SLC9B1: variants seen among roughly 807,000 people sequenced by gnomAD.
SLC9B1 encodes the protein solute carrier family 9 member B1.
In SLC9B1, 32 loss-of-function variants were observed where a neutral mutation model predicts 51.7. The ratio of observed to expected loss-of-function variants is 0.62; its 90% CI spans 0.47 to 0.83. The LOEUF (loss-of-function observed/expected upper bound fraction) is 0.83. Among genes scored for constraint, SLC9B1 ranks in the 40% least tolerant of loss-of-function variants. The pLI, the probability that SLC9B1 is intolerant of heterozygous loss-of-function variation, is 0.00. For synonymous variants in SLC9B1, 145 were observed against 212.7 expected, an observed-to-expected ratio of 0.68 and a Z score of 2.77; for missense variants, 406 against 613.2, an observed-to-expected ratio of 0.66 and a Z score of 3.57.
At chr4:102,912,408 A>C (rs2110434127) in intron 7 of SLC9B1, among the ~76,000 whole-genome samples, 1 of 152,252 alleles carries the variant, frequency 6.6e-6, no homozygotes, top group East Asian at 1.9e-4. Context: ...GAAAAAAAAT[A>C]CAAAAGATTC....
At chr4:102,986,267 T>TTC (rs1553910652) in intron 3 of SLC9B1, among the ~76,000 whole-genome samples, 67 of 33,918 alleles carry the variant, frequency 2.0e-3, no homozygotes, top group African/African-American at 0.012. Flanking sequence ...TTTTTTTTTT[T>TTC]CTCTCTCTCA....
At chr4:102,989,463 C>A (rs183396157) in intron 3 of SLC9B1, among the ~76,000 whole-genome samples, 4 of 151,910 alleles carry the variant, frequency 2.6e-5, no homozygotes, top group Non-Finnish European at 5.9e-5. Context: ...TAATTATTTC[C>A]AAAATTATAA....
intron 3 of SLC9B1, chr4:102,962,837 A>G (rs1738209810): frequency 2.1e-6 from 1 of 473,312 alleles, no homozygotes; most frequent in Non-Finnish European, 4.4e-6. Flanking sequence ...CTGGAAGTGG[A>G]TCAAACAATA....
chr4:102,926,654 T>C (rs1736195037), intron 7 of SLC9B1, among the ~76,000 whole-genome samples: 1 of 152,146 alleles, frequency 6.6e-6, no homozygotes, highest in Non-Finnish European at 1.5e-5. Context: ...ATCAATATCA[T>C]GGAAATGGCC....
At chr4:102,985,593 G>A (rs563417447) in intron 3 of SLC9B1, among the ~76,000 whole-genome samples, 1 of 150,360 alleles carries the variant, frequency 6.7e-6, no homozygotes, top group Non-Finnish European at 1.5e-5. Context: ...GTGTGATCTC[G>A]GCTCACTGCA....
At chr4:102,890,104 A>G (rs1734162614) in intron 11 of SLC9B1, 1 of 152,194 alleles carries the variant, frequency 6.6e-6, no homozygotes, top group Non-Finnish European at 1.5e-5. Context: ...AGCAGGCTTG[A>G]GGTATGAATG....
intron 3 of SLC9B1, among the ~76,000 whole-genome samples, chr4:102,986,583 T>C (rs1236602277): frequency 6.6e-6 from 1 of 152,198 alleles, no homozygotes; most frequent in African/African-American, 2.4e-5. Context: ...TGTCTTCCTT[T>C]TCCTTTTGAT....
intron 11 of SLC9B1, among the ~76,000 whole-genome samples, chr4:102,895,409 G>A (rs1734488546): frequency 6.6e-6 from 1 of 152,122 alleles, no homozygotes; most frequent in Non-Finnish European, 1.5e-5. Context: ...GAACACCTAT[G>A]TGGAAAAAGG....
At chr4:102,991,185 C>T (rs556427548) in intron 2 of SLC9B1, among the ~76,000 whole-genome samples, 17 of 151,836 alleles carry the variant, frequency 1.1e-4, no homozygotes, top group African/African-American at 1.7e-4. Flanking sequence ...TAAAAAAATA[C>T]GAAATTTACA....
chr4:102,975,205 C>T (rs1284938170), intron 3 of SLC9B1, among the ~76,000 whole-genome samples: 1 of 152,098 alleles, frequency 6.6e-6, no homozygotes, highest in Non-Finnish European at 1.5e-5. Context: ...GATGAAGTCT[C>T]ACTATGTTGC....
intron 3 of SLC9B1, among the ~76,000 whole-genome samples, chr4:102,975,579 TA>T (rs1225214095): frequency 1.9e-5 from 2 of 105,090 alleles, no homozygotes; most frequent in African/African-American, 8.1e-5. Context: ...TATATATATA[TA>T]TATATATTTT....
intron 11 of SLC9B1, chr4:102,890,012 T>G (rs1050257791): frequency 6.6e-6 from 1 of 152,144 alleles, no homozygotes; most frequent in African/African-American, 2.4e-5. Flanking sequence ...GAGGACTGCT[T>G]CTGCTTACCT....
intron 2 of SLC9B1, 146 bp from the exon 3 acceptor site, chr4:102,990,087 A>G: frequency 1.5e-6 from 1 of 656,038 alleles, no homozygotes; most frequent in South Asian, 2.1e-5. Flanking sequence ...CATGCTCCAT[A>G]TCAGTAGCTG....
intron 7 of SLC9B1, among the ~76,000 whole-genome samples, chr4:102,923,140 G>A (rs1316005417): frequency 6.6e-6 from 1 of 152,126 alleles, no homozygotes; most frequent in East Asian, 1.9e-4. Flanking sequence ...ATATCCCTAT[G>A]AACATTGATA....
chr4:102,991,394 C>T (rs572608529), intron 2 of SLC9B1, among the ~76,000 whole-genome samples: 5 of 152,088 alleles, frequency 3.3e-5, no homozygotes, highest in South Asian at 2.1e-4. Flanking sequence ...AAATAATAAG[C>T]GACATTTCTT....
intron 6 of SLC9B1, chr4:102,941,455 A>G: frequency 4.4e-6 from 2 of 455,754 alleles, no homozygotes; most frequent in South Asian, 1.5e-5. Flanking sequence ...ACAACCTCAC[A>G]GGAGGCAGAA....
intron 11 of SLC9B1, among the ~76,000 whole-genome samples, chr4:102,893,112 G>A (rs565018300): frequency 6.5e-4 from 99 of 151,394 alleles, no homozygotes; most frequent in East Asian, 1.9e-3. Flanking sequence ...GTGAAAACTC[G>A]TCTCTACAAA....
intron 9 of SLC9B1, among the ~76,000 whole-genome samples, chr4:102,906,887 C>A (rs1334390307): frequency 1.3e-5 from 2 of 152,128 alleles, no homozygotes; most frequent in African/African-American, 4.8e-5. Flanking sequence ...CCATGCTGGG[C>A]TAATTTTTAA....
At chr4:102,976,315 G>A (rs916022460) in intron 3 of SLC9B1, among the ~76,000 whole-genome samples, 2 of 151,312 alleles carry the variant, frequency 1.3e-5, no homozygotes, top group African/African-American at 4.9e-5. Flanking sequence ...TATCAGTATT[G>A]ATTTACTTTG....
Sources: gnomAD v4.1 joint callset for allele counts (sites outside exome capture counted in the v4.1 genomes callset) on GRCh38, gnomAD v4.1.1 for gene constraint, MANE v1.5 for transcripts, NCBI Gene and HGNC (gene_info 2026-07-23, HGNC 2026-07-21) for gene names.